The following SCFD2 variants were observed in gnomAD, a reference collection of about 807,000 sequenced individuals.
The protein encoded by SCFD2 is sec1 family domain-containing protein 2.
SCFD2 carries 54 observed loss-of-function variants against 58.9 expected under a neutral mutation model. The ratio of observed to expected loss-of-function variants is 0.92; its 90% CI spans 0.74 to 1.15. The LOEUF (loss-of-function observed/expected upper bound fraction) is 1.15, where lower values mean the gene tolerates loss of function less well. SCFD2 is among the 50% of genes most tolerant of loss of function. The pLI is 0.00. For missense variants in SCFD2, 805 were observed against 836.6 expected, an observed-to-expected ratio of 0.96 and a Z score of 0.47; for synonymous variants, 321 against 335.9, an observed-to-expected ratio of 0.96 and a Z score of 0.49.
chr4:53,206,604 C>T (rs976501050), intron 4 of SCFD2, among the ~76,000 whole-genome samples: 32 of 152,104 alleles, frequency 2.1e-4, no homozygotes, highest in African/African-American at 7.5e-4. Context: ...AATGTTGCCA[C>T]TGCTTTAAAT....
chr4:53,211,795 T>C (rs1728621842), intron 4 of SCFD2, among the ~76,000 whole-genome samples: 3 of 152,084 alleles, frequency 2.0e-5, no homozygotes, highest in Admixed American at 2.0e-4. Flanking sequence ...AGTCAGTAGT[T>C]TTAAATTTTT....
At chr4:53,181,512 G>A (rs2148948552) in intron 4 of SCFD2, among the ~76,000 whole-genome samples, 1 of 152,088 alleles carries the variant, frequency 6.6e-6, no homozygotes, top group South Asian at 2.1e-4. Flanking sequence ...ATCTCAAAAT[G>A]ATAAGAGCTA....
At chr4:52,957,419 T>A (rs1459777969) in intron 5 of SCFD2, 1 of 151,918 alleles carries the variant, frequency 6.6e-6, no homozygotes, top group Non-Finnish European at 1.5e-5. Flanking sequence ...GTGGCCTGAG[T>A]TAAAAAAAAA....
chr4:52,904,158 A>G (rs1461950879), intron 7 of SCFD2, among the ~76,000 whole-genome samples: 3 of 152,200 alleles, frequency 2.0e-5, no homozygotes, highest in East Asian at 3.9e-4. Flanking sequence ...GGTGTCCCTG[A>G]GCCAACATCA....
At chr4:52,950,929 G>A (rs947862401) in intron 5 of SCFD2, 2 of 152,206 alleles carry the variant, frequency 1.3e-5, no homozygotes, top group Non-Finnish European at 2.9e-5. Flanking sequence ...GGAAAAAGGT[G>A]ATGGGGGACC....
intron 6 of SCFD2, among the ~76,000 whole-genome samples, chr4:52,916,051 C>T (rs1412819671): frequency 1.3e-5 from 2 of 152,200 alleles, no homozygotes; most frequent in Non-Finnish European, 2.9e-5. Context: ...AGGTTTTTTG[C>T]AGCTCAGCCC....
chr4:53,216,137 G>C (rs1009926165), intron 4 of SCFD2, among the ~76,000 whole-genome samples: 28 of 152,278 alleles, frequency 1.8e-4, no homozygotes, highest in African/African-American at 6.7e-4. Context: ...CCAGCCTTTG[G>C]TGTCAGGATG....
At chr4:53,237,411 G>A (rs1197890667) in intron 4 of SCFD2, among the ~76,000 whole-genome samples, 216 of 149,954 alleles carry the variant, frequency 1.4e-3, no homozygotes, top group African/African-American at 5.2e-3. Flanking sequence ...TCCCAGTAGG[G>A]GGCGGCCGGG....
At chr4:53,168,516 T>C (rs574403335) in intron 4 of SCFD2, among the ~76,000 whole-genome samples, 1 of 152,296 alleles carries the variant, frequency 6.6e-6, no homozygotes, top group South Asian at 2.1e-4. Flanking sequence ...TATTAATGAA[T>C]ATAAACTATA....
chr4:53,060,401 T>C (rs1723476120), intron 5 of SCFD2, among the ~76,000 whole-genome samples: 1 of 152,122 alleles, frequency 6.6e-6, no homozygotes, highest in African/African-American at 2.4e-5. Context: ...TACATGTAAA[T>C]TGAAACAGAA....
intron 5 of SCFD2, among the ~76,000 whole-genome samples, chr4:53,139,122 C>T (rs533079029): frequency 7.0e-4 from 107 of 152,316 alleles, no homozygotes; most frequent in South Asian, 1.2e-3. Context: ...CTGCCAGCCT[C>T]GGCCTCCCGA....
At chr4:53,229,800 G>A (rs182731445) in intron 4 of SCFD2, among the ~76,000 whole-genome samples, 245 of 152,172 alleles carry the variant, frequency 1.6e-3, no homozygotes, top group African/African-American at 3.9e-3. Context: ...GAGCTTCTGC[G>A]CAGCAAAAGA....
At chr4:53,310,201 T>C (rs1732649278) in intron 3 of SCFD2, among the ~76,000 whole-genome samples, 2 of 152,088 alleles carry the variant, frequency 1.3e-5, no homozygotes, top group Non-Finnish European at 2.9e-5. Context: ...ACTACATTAG[T>C]AAGAAAATAA....
At chr4:52,948,598 C>G in intron 5 of SCFD2, 1 of 453,084 alleles carries the variant, frequency 2.2e-6, no homozygotes. Flanking sequence ...CATGCCAAGT[C>G]TCTTTACTGC....
At chr4:53,024,704 C>CAT (rs569566965) in intron 5 of SCFD2, among the ~76,000 whole-genome samples, 16 of 142,052 alleles carry the variant, frequency 1.1e-4, no homozygotes, top group African/African-American at 3.9e-4. Context: ...TGTCTCAGGC[C>CAT]TTTTTTTTTT....
intron 8 of SCFD2, among the ~76,000 whole-genome samples, chr4:52,881,017 G>A (rs1375416470): frequency 6.6e-6 from 1 of 152,242 alleles, no homozygotes; most frequent in African/African-American, 2.4e-5. Context: ...TTGGGATGGG[G>A]GAGGTTGCCC....
At chr4:53,195,202 A>G (rs1194704575) in intron 4 of SCFD2, among the ~76,000 whole-genome samples, 1 of 152,184 alleles carries the variant, frequency 6.6e-6, no homozygotes. Context: ...GATTAAAAAT[A>G]ATGGTATATG....
intron 5 of SCFD2, among the ~76,000 whole-genome samples, chr4:53,110,367 G>A (rs574483328): frequency 3.3e-5 from 5 of 152,222 alleles, no homozygotes; most frequent in Non-Finnish European, 7.4e-5. Flanking sequence ...AAAAGCAATG[G>A]GAACAAAAGC....
chr4:53,157,933 T>TA (rs1165503569), intron 4 of SCFD2, among the ~76,000 whole-genome samples: 1 of 152,202 alleles, frequency 6.6e-6, no homozygotes, highest in Non-Finnish European at 1.5e-5. Flanking sequence ...TCTCAAAACT[T>TA]AATGTTCATG....
Sources: allele counts gnomAD v4.1 joint callset (sites outside exome capture counted in the v4.1 genomes callset), GRCh38; gene constraint gnomAD v4.1.1; transcripts MANE v1.5; gene names NCBI Gene and HGNC (gene_info 2026-07-23, HGNC 2026-07-21).